Variants in FUT8 observed in about 807,000 individuals in gnomAD.
The protein encoded by FUT8 is alpha-(1,6)-fucosyltransferase.
FUT8 carries 29 observed loss-of-function variants against 71.3 expected under a neutral mutation model. The observed-to-expected ratio is 0.41, with a 90% confidence interval of 0.30 to 0.55. FUT8 has a LOEUF of 0.55. Ranked by LOEUF, FUT8 falls within the 20% of genes least tolerant of loss-of-function variation. The probability of loss-of-function intolerance (pLI) is 0.34; values close to 1 mark genes in which losing one functional copy is unlikely to be tolerated. For synonymous variants in FUT8, 254 were observed against 239.3 expected, an observed-to-expected ratio of 1.06 and a Z score of -0.57; for missense variants, 544 against 702.1, an observed-to-expected ratio of 0.77 and a Z score of 2.55.
At chr14:65,432,433 A>G (rs1344206588) in intron 1 of FUT8, among the ~76,000 whole-genome samples, 1 of 143,306 alleles carries the variant, frequency 7.0e-6, no homozygotes, top group African/African-American at 2.6e-5. Context: ...CCTTCCCATT[A>G]TCCAAACTTG....
intron 6 of FUT8, among the ~76,000 whole-genome samples, chr14:65,649,339 T>G (rs980910317): frequency 7.2e-5 from 11 of 152,256 alleles, no homozygotes; most frequent in African/African-American, 2.7e-4. Context: ...TGTTTTATTT[T>G]ATTTTTAATC....
At chr14:65,386,957 T>A in the FUT8 span, among the ~76,000 whole-genome samples, 473 of 148,152 alleles carry the variant, frequency 3.2e-3, 3 homozygotes, top group Middle Eastern at 7.0e-3. Flanking sequence ...TTCTCCCACC[T>A]CAGCCTCCCC....
chr14:65,742,435 C>T lies in FUT8; in HGVS notation c.*25C>T, dbSNP rs781032361. On this transcript the variant is annotated 3_prime_UTR_variant, in exon 11 of 11. Transcript: ENST00000673929. Reference sequence around the variant, plus strand: ...AAGCTCAGATGGAAGAGATAAACGACCAAACTCAGTTCGACCAAACTCAGT... The same window carrying T: ...AAGCTCAGATGGAAGAGATAAACGATCAAACTCAGTTCGACCAAACTCAGT... 3.8e-6 allele frequency: 6 copies of T among 1,595,054 alleles called. No individual in the cohort carries two copies. Among genetic ancestry groups the T allele is most frequent in the Non-Finnish European group, 1.7e-6 (2 of 1,168,106 alleles).
chr14:65,454,668 G>T (rs1017766800), intron 1 of FUT8, among the ~76,000 whole-genome samples: 40 of 152,122 alleles, frequency 2.6e-4, no homozygotes, highest in African/African-American at 8.9e-4. Context: ...ATCTCATGTT[G>T]TTGACATAAG....
At position 65,467,309 on chromosome 14, in the gene FUT8, T is replaced by G. The variant is rs572294477; in HGVS notation, c.-228+11591T>G. 5.3e-5 allele frequency among the ~76,000 whole-genome samples: 8 copies of G among 152,138 alleles called. No individual in the cohort carries two copies. The highest frequency in any genetic ancestry group is 1.9e-4 in the African/African-American group (8 of 41,520). ...AGCCCAGAGGTCTTATTTTATTTTATTTTTTTGAGATGGAGTCTCATTCTG... is the reference window on the plus strand; with the variant it reads ...AGCCCAGAGGTCTTATTTTATTTTAGTTTTTTGAGATGGAGTCTCATTCTG... On this transcript the variant is annotated intron_variant, in intron 2 of 10. Transcript: ENST00000673929. This position sits in a 1 kb window ranked among gnomAD's most constrained non-coding sequence, Gnocchi z 4.1.
chr14:65,656,176 T>G (rs1891672944), intron 6 of FUT8, among the ~76,000 whole-genome samples: 1 of 152,080 alleles, frequency 6.6e-6, no homozygotes, highest in Admixed American at 6.6e-5. Context: ...TATTCTTGTT[T>G]GCAGACTATA....
intron 3 of FUT8, among the ~76,000 whole-genome samples, chr14:65,591,529 T>C (rs1887685043): frequency 6.6e-6 from 1 of 152,170 alleles, no homozygotes; most frequent in East Asian, 1.9e-4. Context: ...GGGTTTTGTG[T>C]AGCTTAATTA....
intron 1 of FUT8, among the ~76,000 whole-genome samples, chr14:65,424,851 G>A (rs1483615258): frequency 4.0e-5 from 6 of 151,800 alleles, no homozygotes; most frequent in African/African-American, 1.5e-4. Context: ...GTAGAGACAG[G>A]GTTTTGCCAT....
chr14:65,573,399 C>T (rs1167586661), intron 3 of FUT8, among the ~76,000 whole-genome samples: 2 of 151,648 alleles, frequency 1.3e-5, no homozygotes, highest in Admixed American at 6.6e-5. Context: ...AGGTAACTTT[C>T]AATATTTGGA....
the FUT8 span, among the ~76,000 whole-genome samples, chr14:65,370,068 ATTC>A: frequency 1.4e-4 from 22 of 151,988 alleles, 1 homozygote; most frequent in African/African-American, 4.8e-4. Context: ...TGCTAGTATT[ATTC>A]TTCTTCATGT....
the FUT8 span, among the ~76,000 whole-genome samples, chr14:65,398,098 G>A: frequency 6.6e-6 from 1 of 152,178 alleles, no homozygotes; most frequent in African/African-American, 2.4e-5. Context: ...TAGCAATTTA[G>A]TTTTTCTAGA....
In FUT8 at chr14:65,517,406, G is replaced by T. The variant is rs144876418; in HGVS notation, c.-227-43931G>T. On this transcript the variant is annotated intron_variant, in intron 2 of 10. Transcript: ENST00000673929. Reference sequence around the variant, plus strand: ...TTTACAGTCTAATAACAGTAATAGGGTGTGTTTATAAAGACACAGAACCTG... The same window carrying T: ...TTTACAGTCTAATAACAGTAATAGGTTGTGTTTATAAAGACACAGAACCTG... Among the ~76,000 whole-genome samples, 22 of 152,242 alleles carry T rather than the reference G, an allele frequency of 1.4e-4. 1 individual carries two copies. The East Asian group carries it at 4.0e-3, about 28-fold the overall frequency.
At position 65,550,487 on chromosome 14, in the gene FUT8, C is replaced by T. The variant is rs1885226823; in HGVS notation, c.-227-10850C>T. ...TGAATACTTTACTGAAAGTGAAGAA[C>T]AAAATGGTTGTAGGGTTACTCAGAG... is the stretch of plus-strand genomic sequence containing the variant. On this transcript the variant is annotated intron_variant, in intron 2 of 10. Coordinates refer to ENST00000673929, the MANE Select transcript of FUT8 (RefSeq NM_001371533.1). This position sits in a 1 kb window ranked among gnomAD's most constrained non-coding sequence, Gnocchi z 4.5. Among the ~76,000 whole-genome samples the T allele has an allele frequency of 6.6e-6, 1 of 152,078 alleles. No homozygotes were observed.
At chr14:65,620,497 T>A (rs942089974) in intron 5 of FUT8, among the ~76,000 whole-genome samples, 2 of 152,236 alleles carry the variant, frequency 1.3e-5, no homozygotes, top group African/African-American at 4.8e-5. Context: ...CTGGGAAAGA[T>A]TGATAGAATA....
chr14:65,570,937 A>C (rs1055353246), intron 3 of FUT8, among the ~76,000 whole-genome samples: 4 of 152,060 alleles, frequency 2.6e-5, no homozygotes, highest in African/African-American at 9.7e-5. Context: ...CTGAGCATTC[A>C]GACTGTGTTC....
At chr14:65,592,219 G>A (rs1054750387) in intron 3 of FUT8, among the ~76,000 whole-genome samples, 1 of 152,010 alleles carries the variant, frequency 6.6e-6, no homozygotes, top group African/African-American at 2.4e-5. Context: ...TGTTCCTCTG[G>A]TGTAAAGTAG....
the FUT8 span, among the ~76,000 whole-genome samples, chr14:65,378,473 G>A: frequency 7.9e-5 from 12 of 152,258 alleles, no homozygotes; most frequent in South Asian, 2.5e-3. Flanking sequence ...CAGGATGTAA[G>A]TAAGAGGGAA....
chr14:65,519,675 G>A (rs559579453), intron 2 of FUT8, among the ~76,000 whole-genome samples: 46 of 152,286 alleles, frequency 3.0e-4, no homozygotes, highest in Non-Finnish European at 5.4e-4. Flanking sequence ...AAATGTAAAA[G>A]TGTTATTAAA....
chr14:65,618,474 A>G (rs762833402), intron 5 of FUT8, among the ~76,000 whole-genome samples: 1 of 152,146 alleles, frequency 6.6e-6, no homozygotes, highest in Non-Finnish European at 1.5e-5. Flanking sequence ...TCCTGTCTTA[A>G]ACAGAAATGA....
Sources: allele counts gnomAD v4.1 joint callset (sites outside exome capture counted in the v4.1 genomes callset), GRCh38; gene constraint gnomAD v4.1.1; non-coding constraint Gnocchi (gnomAD v3.1); transcripts MANE v1.5; gene names NCBI Gene and HGNC (gene_info 2026-07-23, HGNC 2026-07-21).